Variants in VAC14 observed in about 807,000 individuals in gnomAD.
The protein encoded by VAC14 is VAC14 component of PIKFYVE complex, also known as protein VAC14 homolog.
In VAC14, 47 loss-of-function variants were observed where a neutral mutation model predicts 85.3. The observed-to-expected ratio is 0.55, with a 90% CI of 0.44 to 0.70. The LOEUF is 0.70. Among genes scored for constraint, VAC14 ranks in the 30% least tolerant of loss-of-function variants. The probability of loss-of-function intolerance (pLI) is 0.00; values close to 1 mark genes in which losing one functional copy is unlikely to be tolerated. For synonymous variants in VAC14, 447 were observed against 430.5 expected, an observed-to-expected ratio of 1.04 and a Z score of -0.47; for missense variants, 861 against 1,004.3, an observed-to-expected ratio of 0.86 and a Z score of 1.93.
rs368686568 is a variant in VAC14 at position 70,692,913 on chromosome 16, G to A, written c.2094C>T (p.Tyr698=). 17 of 1,610,416 alleles carry A rather than the reference G, an allele frequency of 1.1e-5. No individual in the cohort carries two copies. The African/African-American group carries it at 1.1e-4, about 10-fold the overall frequency. ...KNNPYLIKAL[Y]GLLMLLPQSS... is the part of the protein sequence containing the mutation. Reference sequence around the variant, plus strand: ...TCTGCGGCAGGAGCATGAGCAGGCCGTAGAGGGCCTTGATCAGGTAGGGGT... The same window carrying A: ...TCTGCGGCAGGAGCATGAGCAGGCCATAGAGGGCCTTGATCAGGTAGGGGT... The change falls in exon 18 of 19, where the codon TAC becomes TAT. Residue 698 remains tyrosine, a synonymous_variant. Coordinates refer to ENST00000261776, the MANE Select transcript of VAC14 (RefSeq NM_018052.5).
intron 13 of VAC14, among the ~76,000 whole-genome samples, chr16:70,738,885 A>T (rs1249409217): frequency 6.6e-6 from 1 of 152,160 alleles, no homozygotes; most frequent in Non-Finnish European, 1.5e-5. Context: ...GAGCCTCCGC[A>T]TGCACTTCCA....
intron 10 of VAC14, among the ~76,000 whole-genome samples, chr16:70,767,056 C>T (rs964681370): frequency 6.6e-6 from 1 of 152,242 alleles, no homozygotes; most frequent in Non-Finnish European, 1.5e-5. Flanking sequence ...AGACGAGTCA[C>T]TCCTGGGGGC....
At chr16:70,704,409 A>T (rs563968582) in intron 14 of VAC14, among the ~76,000 whole-genome samples, 14 of 152,292 alleles carry the variant, frequency 9.2e-5, no homozygotes, top group Admixed American at 7.2e-4. Flanking sequence ...TCCTCCAGGG[A>T]TAAGACAGGT....
At chr16:70,714,267 C>T (rs751928226) in intron 14 of VAC14, 3 of 152,182 alleles carry the variant, frequency 2.0e-5, no homozygotes, top group Non-Finnish European at 4.4e-5. Flanking sequence ...CCTGAGGATC[C>T]CCACAGGGGT....
At chr16:70,733,846 G>C (rs2054667652) in intron 13 of VAC14, among the ~76,000 whole-genome samples, 1 of 152,032 alleles carries the variant, frequency 6.6e-6, no homozygotes, top group Non-Finnish European at 1.5e-5. Flanking sequence ...TTGTTTTTGA[G>C]ACAGAGTCTT....
Position 70,744,562 on chromosome 16 carries a change from C to T in VAC14, c.1389G>A (p.Leu463=). The stretch of plus-strand genomic sequence containing the variant: ...AGGAAGCGATTTCTGCCAGCACCTC[C>T]AGGTCCTTCAGGATCACCTGGGGAG... ...DESDEVILKD[L]EVLAEIASSP... Residue 463 remains leucine (L), a synonymous_variant, in exon 13 of 19, where the codon CTG becomes CTA. Transcript: ENST00000261776. The T allele has an allele frequency of 6.2e-7, 1 of 1,602,884 alleles. No homozygotes were observed. The highest frequency in any genetic ancestry group is 8.5e-7 in the Non-Finnish European group (1 of 1,175,090).
intron 18 of VAC14, chr16:70,689,207 G>A (rs776459614): frequency 1.5e-4 from 146 of 980,730 alleles, no homozygotes; most frequent in Non-Finnish European, 1.7e-4. Context: ...CCTAAGGAGC[G>A]GCCCTGGGGT....
chr16:70,760,617 C>T (rs531779743), intron 12 of VAC14, among the ~76,000 whole-genome samples: 2 of 152,276 alleles, frequency 1.3e-5, no homozygotes, highest in African/African-American at 4.8e-5. Flanking sequence ...TGCCCCAAAA[C>T]CCTGACAACA....
chr16:70,744,521 G>A lies in VAC14; in HGVS notation c.1430C>T (p.Thr477Met), dbSNP rs371463788. The A allele has an allele frequency of 3.5e-5, 56 of 1,612,756 alleles. No individual in the cohort carries two copies. The highest frequency in any genetic ancestry group is 2.0e-4 in the African/African-American group (15 of 74,838). ...AEIASSPAGQ[T>M]DDPGPLDGPD... ...GCCATCGAGGGGGCCTGGGTCATCC[G>A]TCTGGCCTGCGGGGGAGGAAGCGAT... Residue 477 changes from threonine to methionine, a missense_variant, in exon 13 of 19, where the codon ACG becomes ATG. Thr to Met is a moderately conservative substitution (Grantham distance 81). Transcript: ENST00000261776.
At chr16:70,703,768 C>T (rs928182415) in intron 14 of VAC14, among the ~76,000 whole-genome samples, 1 of 152,224 alleles carries the variant, frequency 6.6e-6, no homozygotes, top group Non-Finnish European at 1.5e-5. Flanking sequence ...GAGCAACCTG[C>T]CCTCGGCCTG....
intron 14 of VAC14, among the ~76,000 whole-genome samples, chr16:70,728,300 C>T (rs958107400): frequency 6.6e-6 from 1 of 152,244 alleles, no homozygotes; most frequent in African/African-American, 2.4e-5. Context: ...GTGGTCCTGG[C>T]ACGCAGGATG....
intron 18 of VAC14, chr16:70,689,869 T>C: frequency 4.1e-6 from 4 of 985,508 alleles, no homozygotes; most frequent in Non-Finnish European, 3.6e-6. Flanking sequence ...CAGCTTGGAC[T>C]TCTAAGGAGG....
intron 13 of VAC14, among the ~76,000 whole-genome samples, chr16:70,739,422 G>A (rs2030035350): frequency 6.6e-6 from 1 of 152,194 alleles, no homozygotes; most frequent in Admixed American, 6.5e-5. Context: ...GGCCAGGAAG[G>A]GGTCTCTGAA....
chr16:70,774,500 G>A (rs1488145030), intron 9 of VAC14, among the ~76,000 whole-genome samples: 1 of 152,080 alleles, frequency 6.6e-6, no homozygotes, highest in African/African-American at 2.4e-5. Context: ...TAAGGTTACT[G>A]TTTTTCTGTT....
At chr16:70,740,665 G>A (rs1474521976) in intron 13 of VAC14, among the ~76,000 whole-genome samples, 1 of 152,172 alleles carries the variant, frequency 6.6e-6, no homozygotes, top group Non-Finnish European at 1.5e-5. Context: ...TCCCAGGGGT[G>A]GGAGACAGGA....
intron 15 of VAC14, 43 bp downstream of exon 15, chr16:70,698,594 C>T: frequency 6.2e-7 from 1 of 1,608,550 alleles, no homozygotes; most frequent in Non-Finnish European, 8.5e-7. Context: ...TGCCCCCTGG[C>T]ATGCAGGAGA....
chr16:70,760,971 G>A (rs1273597426), intron 12 of VAC14, among the ~76,000 whole-genome samples: 1 of 88,248 alleles, frequency 1.1e-5, no homozygotes, highest in African/African-American at 7.8e-5. Flanking sequence ...GGGTGTGTGT[G>A]TGTGTGTGTG....
intron 10 of VAC14, chr16:70,766,485 C>T (rs2032824324): frequency 2.2e-6 from 1 of 456,786 alleles, no homozygotes; most frequent in Non-Finnish European, 4.4e-6. Flanking sequence ...AGGGCATCTT[C>T]AGGCTGCTAC....
intron 6 of VAC14, 47 bp from the exon 7 acceptor site, chr16:70,783,186 C>T: frequency 3.2e-6 from 5 of 1,582,724 alleles, no homozygotes; most frequent in Non-Finnish European, 4.3e-6. Context: ...TCAGCCAGGG[C>T]TGGAGGAGCC....
Sources: allele counts gnomAD v4.1 joint callset (sites outside exome capture counted in the v4.1 genomes callset), GRCh38; gene constraint gnomAD v4.1.1; transcripts MANE v1.5; gene names NCBI Gene and HGNC (gene_info 2026-07-23, HGNC 2026-07-21).